FBN3: variants seen among roughly 807,000 people sequenced by gnomAD.
The protein encoded by FBN3 is fibrillin 3, also known as fibrillin-3.
A neutral mutation model predicts 330.1 loss-of-function variants in FBN3; 234 were observed. The observed-to-expected ratio is 0.71, with a 90% CI of 0.64 to 0.79. The LOEUF is 0.79. Ranked by LOEUF, FBN3 falls within the 30% of genes least tolerant of loss-of-function variation. The pLI is 0.00. For synonymous variants in FBN3, 1,458 were observed against 1,517.3 expected (o/e 0.96, Z 0.91); for missense variants, 3,606 against 3,886.9 (o/e 0.93, Z 1.92).
At position 8,123,912 on chromosome 19, in the gene FBN3, A is replaced by C; in HGVS notation, c.2828T>G (p.Ile943Ser). The change falls in exon 23 of 64, where the codon ATC becomes AGC. Residue 943 changes from isoleucine (I) to serine (S), a missense_variant. Transcript: ENST00000600128. ...KYRMDVCCCS[I>S]GAVWGVECEA... The stretch of plus-strand genomic sequence containing the variant: ...GCACTCGACTCCCCACACGGCCCCG[A>C]TGGAGCAGCAGCAGACGTCCATCCG... 1 of 1,613,956 alleles carries C rather than the reference A, an allele frequency of 6.2e-7. No individual in the cohort carries two copies.
At chr19:8,135,936 G>GGAC in intron 13 of FBN3, 25 bp downstream of exon 13, 1 of 668,776 alleles carries the variant, frequency 1.5e-6, no homozygotes, top group South Asian at 1.6e-5. Flanking sequence ...GGAAGCCCCT[G>GGAC]CCCACCCGCC....
At chr19:8,089,060 AAATG>A (rs1266493128) in intron 51 of FBN3, among the ~76,000 whole-genome samples, 1 of 140,568 alleles carries the variant, frequency 7.1e-6, no homozygotes, top group Non-Finnish European at 1.6e-5. Flanking sequence ...ATAAGTGAGT[AAATG>A]AATAAGTGAG....
chr19:8,135,935 T>TGGGGGGGGGGGGGGGGGGGGCGC, intron 13 of FBN3, 26 bp downstream of exon 13: 1 of 1,344,156 alleles, frequency 7.4e-7, no homozygotes, highest in Non-Finnish European at 1.0e-6. Context: ...CGGAAGCCCC[T>TGGGGGGGGGGGGGGGGGGGGCGC]GCCCACCCGC....
In FBN3 at chr19:8,117,555, AC is replaced by A; in HGVS notation, c.3371del (p.Cys1124PhefsTer64). 2 of 1,556,912 alleles carry A rather than the reference AC, an allele frequency of 1.3e-6. No individual in the cohort carries two copies. Among genetic ancestry groups the A allele is most frequent in the Non-Finnish European group, 1.7e-6 (2 of 1,150,010 alleles). ...TGACATTGACACACTGGCCATGGGGACACAGGCCATCACTCAGGGAGCACTC... is the reference window on the plus strand; with the variant it reads ...TGACATTGACACACTGGCCATGGGGAACAGGCCATCACTCAGGGAGCACTC... ...IDECSLSDGL[C>X]PHGQCVNVIG... On this transcript the variant is annotated frameshift_variant, in exon 27 of 64. Transcript: ENST00000600128. LOFTEE classifies it high-confidence loss of function.
intron 6 of FBN3, among the ~76,000 whole-genome samples, chr19:8,142,400 G>A (rs113798795): frequency 0.01 from 1,525 of 152,198 alleles, 27 homozygotes; most frequent in African/African-American, 0.035. Context: ...CAGGGCCTGT[G>A]TGAACACCCT....
chr19:8,072,169 G>T lies in FBN3; in HGVS notation c.7967C>A (p.Pro2656His). The T allele has an allele frequency of 6.3e-7, 1 of 1,582,428 alleles. No homozygotes were observed. ...GHCVSGLGFS[P>H]GPQDTPDKEE... is the part of the protein sequence containing the mutation. ...TTTGTCCGGGGTGTCCTGGGGTCCG[G>T]GGCTGAAGCCCAGGCCGGAGACACA... Residue 2656 changes from proline to histidine, a missense_variant, in exon 63 of 64, where the codon CCC (proline) becomes CAC (histidine). Physicochemically the swap from Pro to His is moderately conservative, Grantham distance 77 (BLOSUM62 -2). Transcript: ENST00000600128.
Position 8,085,508 on chromosome 19 carries a change from G to T in FBN3, c.6942C>A (p.Ser2314Arg). The T allele has an allele frequency of 6.3e-7, 1 of 1,594,730 alleles. No homozygotes were observed. The highest frequency in any genetic ancestry group is 8.5e-7 in the Non-Finnish European group (1 of 1,171,226). ...VLQTMCRSLS[S>R]SSEAVTRAEC... ...CGGCCCTGGTGACAGCCTCACTGCT[G>T]CTGGACAGAGACCGGCACATGGTCT... Residue 2314 changes from serine (S) to arginine (R), a missense_variant, in exon 56 of 64, where the codon AGC becomes AGA. Coordinates refer to ENST00000600128, the MANE Select transcript of FBN3 (RefSeq NM_032447.5).
At chr19:8,082,347 T>C (rs7253442) in intron 57 of FBN3, among the ~76,000 whole-genome samples, 73,967 of 148,006 alleles carry the variant, frequency 0.5, 18,543 homozygotes, top group African/African-American at 0.53. Context: ...CTCTTTCTTT[T>C]TGTCTCTCTC....
At chr19:8,135,525 G>C (rs758654850) in intron 13 of FBN3, among the ~76,000 whole-genome samples, 6 of 73,700 alleles carry the variant, frequency 8.1e-5, no homozygotes, top group Non-Finnish European at 1.2e-4. Flanking sequence ...CTCCCAAAGT[G>C]CTGGGATTAC....
At position 8,142,177 on chromosome 19, in the gene FBN3, C is replaced by A. The variant is rs1002140145; in HGVS notation, c.542-40G>T. 28 of 1,536,590 alleles carry A rather than the reference C, an allele frequency of 1.8e-5. 3 individuals carry two copies. In the Admixed American group the frequency reaches 2.4e-4, roughly 13 times the overall value. Reference sequence around the variant, plus strand: ...GATGTGGGTACCTGGCTGAGGGCTGCCCCTGTCTGGAGATCTCTGCGTCTC... The same window carrying A: ...GATGTGGGTACCTGGCTGAGGGCTGACCCTGTCTGGAGATCTCTGCGTCTC... On this transcript the variant is annotated intron_variant, in intron 6 of 63. Coordinates refer to ENST00000600128, the MANE Select transcript of FBN3 (RefSeq NM_032447.5).
In FBN3 at chr19:8,131,181, C is replaced by A. The variant is rs1195787102; in HGVS notation, c.2044+54G>T. 1 of 1,556,486 alleles carries A rather than the reference C, an allele frequency of 6.4e-7. No individual in the cohort carries two copies. The highest frequency in any genetic ancestry group is 8.7e-7 in the Non-Finnish European group (1 of 1,143,356). ...TACAGCCTCCCACCACAGCTCTCCC[C>A]ACATCTGGTAGGGGCAGGCTGGCTG... On this transcript the variant is annotated intron_variant, in intron 16 of 63. Transcript: ENST00000600128. The surrounding 1 kb of genome is among the most constrained non-coding windows in gnomAD (Gnocchi z 4.5).
At chr19:8,069,115 C>T (rs1243808448) in intron 63 of FBN3, among the ~76,000 whole-genome samples, 1 of 152,160 alleles carries the variant, frequency 6.6e-6, no homozygotes, top group Non-Finnish European at 1.5e-5. Context: ...GTGAGAGAAA[C>T]GGGATGCCAA....
intron 63 of FBN3, among the ~76,000 whole-genome samples, chr19:8,069,666 G>A (rs1294191768): frequency 6.6e-6 from 1 of 152,224 alleles, no homozygotes; most frequent in East Asian, 1.9e-4. Context: ...GCTCTCTGCC[G>A]CTTTGAACTC....
chr19:8,133,153 A>AC, intron 13 of FBN3, 47 bp from the exon 14 acceptor site: 1 of 1,519,556 alleles, frequency 6.6e-7, no homozygotes. Flanking sequence ...CCACACTGGG[A>AC]CCCTCTCTCT....
chr19:8,072,720 GCACA>G (rs61403969), intron 62 of FBN3, among the ~76,000 whole-genome samples: 47 of 149,576 alleles, frequency 3.1e-4, no homozygotes, highest in Middle Eastern at 3.5e-3. Flanking sequence ...ATGCGCGCGT[GCACA>G]CACACACACA....
At position 8,094,600 on chromosome 19, in the gene FBN3, C is replaced by A. The variant is rs756318109; in HGVS notation, c.5786-35G>T. 2.5e-6 allele frequency: 4 copies of A among 1,598,582 alleles called. No homozygotes were observed. The South Asian group carries it at 4.5e-5, about 18-fold the overall frequency. On this transcript the variant is annotated intron_variant, in intron 46 of 63. Transcript: ENST00000600128. ...GGAGGAAGAAAGGTCCTTGTGCCAGCCAGGATGCAGGGGGCTCACTTGGGA... is the reference window on the plus strand; with the variant it reads ...GGAGGAAGAAAGGTCCTTGTGCCAGACAGGATGCAGGGGGCTCACTTGGGA...
At chr19:8,135,935 T>TTGGGGGGGGGGGGGGGGGGGCGGGC in intron 13 of FBN3, 26 bp downstream of exon 13, 1 of 1,344,156 alleles carries the variant, frequency 7.4e-7, no homozygotes. Context: ...CGGAAGCCCC[T>TTGGGGGGGGGGGGGGGGGGGCGGGC]GCCCACCCGC....
At position 8,083,352 on chromosome 19, in the gene FBN3, G is replaced by A. The variant is rs1482047301; in HGVS notation, c.7108C>T (p.Leu2370Phe). 1 of 1,614,058 alleles carries A rather than the reference G, an allele frequency of 6.2e-7. No individual in the cohort carries two copies. The highest frequency in any genetic ancestry group is 8.5e-7 in the Non-Finnish European group (1 of 1,180,018). Residue 2370 changes from leucine (L) to phenylalanine (F), a missense_variant, in exon 57 of 64, where the codon CTT becomes TTT. Physicochemically the swap from Leu to Phe is conservative, Grantham distance 22 (BLOSUM62 0). Coordinates refer to ENST00000600128, the MANE Select transcript of FBN3 (RefSeq NM_032447.5). Reference protein sequence around the residue: ...EGRDVDECRMLAHLCAHGECI... With the variant: ...EGRDVDECRMFAHLCAHGECI... ...TCCCCATGAGCACACAGGTGAGCAA[G>A]CATACGGCATTCATCTACATCTGGG...
At chr19:8,085,273 T>G (rs1179686755) in intron 56 of FBN3, 90 bp downstream of exon 56, 2 of 1,046,740 alleles carry the variant, frequency 1.9e-6, no homozygotes, top group East Asian at 5.5e-5. Flanking sequence ...GCTCACACAT[T>G]CCAGCACCTG....
Sources: gnomAD v4.1 joint callset for allele counts (sites outside exome capture counted in the v4.1 genomes callset) on GRCh38, gnomAD v4.1.1 for gene constraint, Gnocchi (gnomAD v3.1) non-coding constraint, MANE v1.5 for transcripts, NCBI Gene and HGNC (gene_info 2026-07-23, HGNC 2026-07-21) for gene names.